Variants in ACOXL observed in about 807,000 individuals in gnomAD.
ACOXL encodes acyl-CoA oxidase like.
ACOXL carries 70 observed loss-of-function variants against 71.9 expected under a neutral mutation model. The ratio of observed to expected loss-of-function variants is 0.97; its 90% CI spans 0.80 to 1.19. The LOEUF is 1.19. Among genes scored for constraint, ACOXL ranks in the 50% most tolerant of loss-of-function variants. The pLI, the probability that ACOXL is intolerant of heterozygous loss-of-function variation, is 0.00. For missense variants in ACOXL, 703 were observed against 736.3 expected, an observed-to-expected ratio of 0.95 and a Z score of 0.52; for synonymous variants, 253 against 281.6, an observed-to-expected ratio of 0.90 and a Z score of 1.02.
At chr2:110,771,153 T>G (rs1320661581) in intron 2 of ACOXL, among the ~76,000 whole-genome samples, 1 of 152,108 alleles carries the variant, frequency 6.6e-6, no homozygotes, top group Non-Finnish European at 1.5e-5. Context: ...CAAAAGCCAA[T>G]AAACCTGAAG....
intron 9 of ACOXL, among the ~76,000 whole-genome samples, chr2:110,831,713 A>G (rs1244693104): frequency 6.6e-6 from 1 of 152,200 alleles, no homozygotes; most frequent in Admixed American, 6.5e-5. Context: ...ACTGTGTGGT[A>G]CTGGCAGGAA....
intron 16 of ACOXL, among the ~76,000 whole-genome samples, chr2:111,069,931 G>C (rs1462249396): frequency 6.6e-6 from 1 of 151,968 alleles, no homozygotes; most frequent in Non-Finnish European, 1.5e-5. Context: ...CCACAAGGGG[G>C]ACAGTGAGTT....
intron 12 of ACOXL, among the ~76,000 whole-genome samples, chr2:110,939,335 C>T (rs2060784186): frequency 6.6e-6 from 1 of 152,234 alleles, no homozygotes; most frequent in Admixed American, 6.5e-5. Context: ...GTAAATATAT[C>T]CCAAAATTAT....
Position 110,805,337 on chromosome 2 carries a change from T to G in ACOXL, c.695T>G (p.Leu232Arg). Residue 232 changes from leucine (L) to arginine (R), a missense_variant, in exon 9 of 18, where the codon CTG (leucine) becomes CGG (arginine). By Grantham distance (102) the Leu-to-Arg change is moderately radical. Transcript: ENST00000439055. ...RNKSARFNAM[L>R]AALTPSRLAV... ...AAGAGTGCAAGATTCAATGCCATGC[T>G]GGCAGCACTGACCCCTTCGAGATTA... The G allele has an allele frequency of 6.2e-7, 1 of 1,614,258 alleles. No homozygotes were observed. The highest frequency in any genetic ancestry group is 8.5e-7 in the Non-Finnish European group (1 of 1,180,042).
chr2:110,977,246 C>A (rs190997254), intron 12 of ACOXL, among the ~76,000 whole-genome samples: 314 of 151,918 alleles, frequency 2.1e-3, no homozygotes, highest in African/African-American at 7.3e-3. Context: ...ATTAGCCAGG[C>A]GTGGTGGCAG....
At chr2:110,914,433 A>G (rs1271567159) in intron 11 of ACOXL, among the ~76,000 whole-genome samples, 1 of 152,156 alleles carries the variant, frequency 6.6e-6, no homozygotes, top group Non-Finnish European at 1.5e-5. Context: ...AATCTTGCAC[A>G]TTTTTCACTA....
chr2:110,957,696 C>T lies in ACOXL; in HGVS notation c.1059+24054C>T, dbSNP rs1368974761. Reference sequence around the variant, plus strand: ...TTACCTCCTTTAATCTTAATTACCCCTTTTAAGGTCCTGTTTTGAAATACA... The same window carrying T: ...TTACCTCCTTTAATCTTAATTACCCTTTTTAAGGTCCTGTTTTGAAATACA... On this transcript the variant is annotated intron_variant, in intron 12 of 17. Coordinates refer to ENST00000439055, the MANE Select transcript of ACOXL (RefSeq NM_001142807.4). 2.6e-5 allele frequency among the ~76,000 whole-genome samples: 4 copies of T among 152,146 alleles called. No individual in the cohort carries two copies. In the East Asian group the frequency reaches 7.7e-4, roughly 29 times the overall value.
chr2:110,893,712 A>T (rs1347189514), intron 10 of ACOXL, among the ~76,000 whole-genome samples: 1 of 152,116 alleles, frequency 6.6e-6, no homozygotes, highest in South Asian at 2.1e-4. Flanking sequence ...CAGGATATAT[A>T]CCTCTTCATG....
chr2:110,996,668 C>G (rs2063411331), intron 14 of ACOXL, among the ~76,000 whole-genome samples: 1 of 152,210 alleles, frequency 6.6e-6, no homozygotes, highest in Admixed American at 6.5e-5. Context: ...TGCTTCTCTC[C>G]TTCTGCATGG....
intron 16 of ACOXL, among the ~76,000 whole-genome samples, chr2:111,065,859 A>G (rs182942038): frequency 6.6e-6 from 1 of 152,334 alleles, no homozygotes; most frequent in East Asian, 1.9e-4. Context: ...GGCTAAAATA[A>G]ACAACAGTGA....
chr2:110,845,313 GTCT>G (rs1397677829), intron 10 of ACOXL, among the ~76,000 whole-genome samples: 2 of 152,104 alleles, frequency 1.3e-5, no homozygotes, highest in African/African-American at 4.8e-5. Flanking sequence ...CTTTATAAGG[GTCT>G]TCTTCTCATT....
intron 1 of ACOXL, among the ~76,000 whole-genome samples, chr2:110,736,712 C>G (rs936314062): frequency 6.6e-6 from 1 of 152,010 alleles, no homozygotes; most frequent in South Asian, 2.1e-4. Context: ...CCCCGCCTCC[C>G]GGGCTCACGC....
At position 111,059,875 on chromosome 2, in the gene ACOXL, G is replaced by A. The variant is rs186565482; in HGVS notation, c.1440+10587G>A. 3.2e-3 allele frequency among the ~76,000 whole-genome samples: 480 copies of A among 151,304 alleles called. 2 individuals carry two copies. The highest frequency in any genetic ancestry group is 5.7e-3 in the Non-Finnish European group (385 of 67,854). On this transcript the variant is annotated intron_variant, in intron 16 of 17. Transcript: ENST00000439055. ...AGAAGAGGAGGTAAATGAGGAGGAG[G>A]ATAAGGAGGAGAGGAGGAGAAAAAA...
chr2:110,983,855 T>A (rs2062819168), intron 12 of ACOXL, among the ~76,000 whole-genome samples: 1 of 152,160 alleles, frequency 6.6e-6, no homozygotes. Context: ...ATCACTTTTT[T>A]ATTTTATTTT....
chr2:110,846,636 T>TACACAC lies in ACOXL; in HGVS notation c.788+5235_788+5236insACACAC, dbSNP rs1452445738. Among the ~76,000 whole-genome samples, 5 of 44,888 alleles carry TACACAC rather than the reference T, an allele frequency of 1.1e-4. No homozygotes were observed. In the East Asian group the frequency reaches 2.2e-3, roughly 20 times the overall value. 29.4% of individuals were successfully genotyped at this position (44,888 alleles called of 152,430 possible). ...CCGCATGTGAGCATGCAAGTATGCA[T>TACACAC]ACACGCACACACACACACACACACA... On this transcript the variant is annotated intron_variant, in intron 10 of 17. Transcript: ENST00000439055.
rs1211464085 is a variant in ACOXL, at chr2:110,794,069, A to C, written c.247-7A>C. ...CTAATTCCCTTCTAACATCTGGTAA[A>C]CTCCAGGAGCAGAAATACACTGGGA... On this transcript the variant is annotated splice_polypyrimidine_tract_variant and splice_region_variant and intron_variant, in intron 4 of 17. Coordinates refer to ENST00000439055, the MANE Select transcript of ACOXL (RefSeq NM_001142807.4). 1 of 1,613,872 alleles carries C rather than the reference A, an allele frequency of 6.2e-7. No individual in the cohort carries two copies. The highest frequency in any genetic ancestry group is 1.7e-5 in the Admixed American group (1 of 60,000).
At chr2:111,014,087 G>T (rs116839847) in intron 14 of ACOXL, among the ~76,000 whole-genome samples, 1 of 152,138 alleles carries the variant, frequency 6.6e-6, no homozygotes, top group Non-Finnish European at 1.5e-5. Flanking sequence ...TCAATTTTTG[G>T]AGAGTATATC....
At chr2:110,923,429 A>G (rs1574138300) in intron 11 of ACOXL, among the ~76,000 whole-genome samples, 1 of 152,054 alleles carries the variant, frequency 6.6e-6, no homozygotes, top group African/African-American at 2.4e-5. Context: ...GGTCTGGGTA[A>G]GTGGAGGTTT....
Position 110,785,424 on chromosome 2 carries a change from T to C in ACOXL, c.159+609T>C, listed in dbSNP as rs147164554. 2.5e-3 allele frequency among the ~76,000 whole-genome samples: 386 copies of C among 151,736 alleles called. 4 individuals are homozygous for C. Among genetic ancestry groups the C allele is most frequent in the African/African-American group, 8.9e-3 (366 of 41,304 alleles). ...TGGTTTTATGCAGTTTGACCCTATA[T>C]GTAGATTCATGTAACCACCACCACA... is the stretch of plus-strand genomic sequence containing the variant. On this transcript the variant is annotated intron_variant, in intron 3 of 17. Transcript: ENST00000439055.
Sources: allele counts gnomAD v4.1 joint callset (sites outside exome capture counted in the v4.1 genomes callset), GRCh38; gene constraint gnomAD v4.1.1; transcripts MANE v1.5; gene names NCBI Gene and HGNC (gene_info 2026-07-23, HGNC 2026-07-21).